Variants in DGKA observed in about 807,000 individuals in gnomAD.
DGKA encodes the protein diacylglycerol kinase alpha, also known as 80 kDa diacylglycerol kinase.
Under a neutral mutation model 105.0 loss-of-function variants are expected in DGKA, and 35 were observed. That is an observed-to-expected ratio of 0.33 (90% CI 0.25 to 0.44). The LOEUF is 0.44. Among genes scored for constraint, DGKA ranks in the 20% least tolerant of loss-of-function variants. The pLI is 1.00. For missense variants in DGKA, 665 were observed against 915.0 expected, an observed-to-expected ratio of 0.73 and a Z score of 3.53; for synonymous variants, 296 against 332.0, an observed-to-expected ratio of 0.89 and a Z score of 1.18.
chr12:55,952,624 C>G lies in DGKA; in HGVS notation c.1744-110C>G, dbSNP rs1378062065. 8.1e-6 allele frequency: 11 copies of G among 1,365,646 alleles called. No individual in the cohort carries two copies. Among genetic ancestry groups the G allele is most frequent in the Non-Finnish European group, 1.1e-5 (11 of 968,098 alleles). 84.6% of individuals were successfully genotyped at this position (1,365,646 alleles called of 1,614,324 possible). A position where few individuals can be genotyped will look rare whatever the true frequency, so the allele number is the denominator to read the frequency against. On this transcript the variant is annotated intron_variant, in intron 20 of 23. Coordinates refer to ENST00000331886, the MANE Select transcript of DGKA (RefSeq NM_001345.5). This position sits in a 1 kb window ranked among gnomAD's most constrained non-coding sequence, Gnocchi z 5.1. ...TTCCATTCCTTGCACACCTCCAAAT[C>G]CTGCCTTCTCCAGTTTGTCATCTGG...
At position 55,942,169 on chromosome 12, in the gene DGKA, C is replaced by T. The variant is rs751077811; in HGVS notation, c.1337-5C>T. Reference sequence around the variant, plus strand: ...CTCCATCCTTCTCTTCACCTGCCTCCGCAGACAAAGCTAACTTGCCAGTTT... The same window carrying T: ...CTCCATCCTTCTCTTCACCTGCCTCTGCAGACAAAGCTAACTTGCCAGTTT... On this transcript the variant is annotated splice_polypyrimidine_tract_variant and splice_region_variant and intron_variant, in intron 16 of 23. Coordinates refer to ENST00000331886, the MANE Select transcript of DGKA (RefSeq NM_001345.5). The T allele has an allele frequency of 3.8e-5, 62 of 1,614,188 alleles. 1 individual carries two copies. The highest frequency in any genetic ancestry group is 3.3e-4 in the Middle Eastern group (2 of 6,062).
chr12:55,939,458 T>A lies in DGKA; in HGVS notation c.638T>A (p.Phe213Tyr), dbSNP rs1019344537. 1 of 1,614,036 alleles carries A rather than the reference T, an allele frequency of 6.2e-7. No individual in the cohort carries two copies. The highest frequency in any genetic ancestry group is 1.3e-5 in the African/African-American group (1 of 74,900). Residue 213 changes from phenylalanine (F) to tyrosine (Y), a missense_variant, in exon 9 of 24, where the codon TTC (phenylalanine) becomes TAC (tyrosine). Coordinates refer to ENST00000331886, the MANE Select transcript of DGKA (RefSeq NM_001345.5). ...DGQHMWRPKRFPRPVYCNLCE... is the reference protein window; with the variant it reads ...DGQHMWRPKRYPRPVYCNLCE... ...CAGCACATGTGGAGGCCCAAGAGGT[T>A]CCCCAGACCAGTCTACTGCAATCTG...
At chr12:55,935,482 C>G (rs1411794616) in intron 1 of DGKA, 1 of 152,166 alleles carries the variant, frequency 6.6e-6, no homozygotes, top group Non-Finnish European at 1.5e-5. Context: ...GTAGCCAAAA[C>G]CTGGGGCTCC....
upstream of DGKA, chr12:55,927,329 G>A: frequency 1.3e-6 from 1 of 768,196 alleles, no homozygotes. Flanking sequence ...ATTACTGAGC[G>A]CTTGCTGCCT....
Position 55,952,320 on chromosome 12 carries a change from C to T in DGKA, c.1653-21C>T, listed in dbSNP as rs1565765404. The T allele has an allele frequency of 6.2e-7, 1 of 1,613,214 alleles. No homozygotes were observed. Among genetic ancestry groups the T allele is most frequent in the South Asian group, 1.1e-5 (1 of 91,052 alleles). On this transcript the variant is annotated intron_variant, in intron 19 of 23. Coordinates refer to ENST00000331886, the MANE Select transcript of DGKA (RefSeq NM_001345.5). This position sits in a 1 kb window ranked among gnomAD's most constrained non-coding sequence, Gnocchi z 5.1. Reference sequence around the variant, plus strand: ...TGTAACCTGTCCCTCCCTACTGGGCCTTGTGTTGGGGCTGACACAGAATGA... The same window carrying T: ...TGTAACCTGTCCCTCCCTACTGGGCTTTGTGTTGGGGCTGACACAGAATGA...
At chr12:55,927,615 A>C, upstream of DGKA, 1 of 1,399,420 alleles carries the variant, frequency 7.1e-7, no homozygotes, top group Non-Finnish European at 9.7e-7. Flanking sequence ...TCTAACCCTA[A>C]GAAGGTGGGG....
At chr12:55,942,415 GAA>G (rs1473052427) in intron 17 of DGKA, 152 bp downstream of exon 17, 2 of 700,962 alleles carry the variant, frequency 2.9e-6, no homozygotes, top group African/African-American at 3.6e-5. Context: ...TGTCCAAAAA[GAA>G]GAGAGCTTTG....
At chr12:55,944,318 C>A (rs945385506) in intron 17 of DGKA, among the ~76,000 whole-genome samples, 3 of 151,906 alleles carry the variant, frequency 2.0e-5, no homozygotes, top group Non-Finnish European at 4.4e-5. Context: ...AATAAACACA[C>A]AAATAAATAG....
intron 1 of DGKA, among the ~76,000 whole-genome samples, chr12:55,933,794 A>G (rs1474298780): frequency 1.3e-5 from 2 of 152,188 alleles, no homozygotes; most frequent in Non-Finnish European, 2.9e-5. Context: ...AGTCCCTGAA[A>G]TTTATGCCTT....
intron 1 of DGKA, chr12:55,935,337 G>C (rs1884418094): frequency 6.6e-6 from 1 of 152,190 alleles, no homozygotes; most frequent in South Asian, 2.1e-4. Context: ...AGTGGTATCA[G>C]AGCTAAGAAT....
At chr12:55,937,672 G>A in intron 4 of DGKA, 129 bp downstream of exon 4, 1 of 1,271,038 alleles carries the variant, frequency 7.9e-7, no homozygotes. Flanking sequence ...GAATAGTCAG[G>A]CTGGTCTAGG....
rs1200992558 is a variant in DGKA, at chr12:55,936,481, C to A, written c.-23C>A. ...TACTACTACGAAGCTGCCTTTCTGG[C>A]CATCCTTGAGAAAAATAGACAGATG... On this transcript the variant is annotated 5_prime_UTR_variant, in exon 2 of 24. Coordinates refer to ENST00000331886, the MANE Select transcript of DGKA (RefSeq NM_001345.5). 1 of 1,612,198 alleles carries A rather than the reference C, an allele frequency of 6.2e-7. No individual in the cohort carries two copies. Among genetic ancestry groups the A allele is most frequent in the East Asian group, 2.2e-5 (1 of 44,844 alleles).
In DGKA at chr12:55,952,414, G is replaced by A; in HGVS notation, c.1726G>A (p.Glu576Lys). Residue 576 changes from glutamate (E) to lysine (K), a missense_variant, in exon 20 of 24, where the codon GAG becomes AAG. Physicochemically the swap from Glu to Lys is moderately conservative, Grantham distance 56. This residue lies in a region of DGKA where 158 missense variants were observed against 213.4 expected (regional missense o/e 0.74). Transcript: ENST00000331886. The surrounding 1 kb of genome is among the most constrained non-coding windows in gnomAD (Gnocchi z 5.1). ...CTTCTCAACATGCAAAAAGCTGGAG[G>A]AGTCTTTGACAGTTGAGGTGTGTGT... ...SIFSTCKKLE[E>K]SLTVEICGKP... 1 of 1,614,114 alleles carries A rather than the reference G, an allele frequency of 6.2e-7. No individual in the cohort carries two copies. Among genetic ancestry groups the A allele is most frequent in the South Asian group, 1.1e-5 (1 of 91,080 alleles).
chr12:55,943,015 G>A (rs1005871355), intron 17 of DGKA, among the ~76,000 whole-genome samples: 1 of 152,156 alleles, frequency 6.6e-6, no homozygotes, highest in Non-Finnish European at 1.5e-5. Context: ...AGGGTGAAAG[G>A]TGGAAAATGT....
chr12:55,934,609 A>G lies in DGKA; in HGVS notation c.-81-1814A>G, dbSNP rs189594187. ...ACACCCAAACTGCTTCCCTTACCCAACAAGCCCTAAATGAGTGGGTGGAGA... is the reference window on the plus strand; with the variant it reads ...ACACCCAAACTGCTTCCCTTACCCAGCAAGCCCTAAATGAGTGGGTGGAGA... On this transcript the variant is annotated intron_variant, in intron 1 of 23. Coordinates refer to ENST00000331886, the MANE Select transcript of DGKA (RefSeq NM_001345.5). Among the ~76,000 whole-genome samples, 8 of 152,336 alleles carry G rather than the reference A, an allele frequency of 5.3e-5. No individual in the cohort carries two copies. In the East Asian group the frequency reaches 1.3e-3, roughly 26 times the overall value.
upstream of DGKA, among the ~76,000 whole-genome samples, chr12:55,930,274 A>G (rs914653096): frequency 6.7e-6 from 1 of 149,148 alleles, no homozygotes; most frequent in Non-Finnish European, 1.5e-5. Context: ...ATGACTAAGG[A>G]GGTCATAGAG....
At chr12:55,949,585 G>T (rs1324851734) in intron 17 of DGKA, among the ~76,000 whole-genome samples, 1 of 152,176 alleles carries the variant, frequency 6.6e-6, no homozygotes, top group Admixed American at 6.5e-5. Flanking sequence ...TCATGCTGTA[G>T]CTAACAGCAA....
chr12:55,928,941 AG>A (rs2136272976), upstream of DGKA, among the ~76,000 whole-genome samples: 1 of 151,880 alleles, frequency 6.6e-6, no homozygotes, highest in South Asian at 2.1e-4. Flanking sequence ...AGATCACTTG[AG>A]GTCAGGAGTT....
intron 17 of DGKA, among the ~76,000 whole-genome samples, chr12:55,947,145 C>T (rs984045356): frequency 2.6e-5 from 4 of 151,912 alleles, no homozygotes; most frequent in African/African-American, 7.3e-5. Flanking sequence ...GCCACCACGC[C>T]CAGCTAATTT....
Sources: allele counts gnomAD v4.1 joint callset (sites outside exome capture counted in the v4.1 genomes callset), GRCh38; gene constraint gnomAD v4.1.1; regional missense constraint gnomAD v4.1.1; non-coding constraint Gnocchi (gnomAD v3.1); transcripts MANE v1.5; gene names NCBI Gene and HGNC (gene_info 2026-07-23, HGNC 2026-07-21).